The following NRG3 variants were observed in gnomAD, a reference collection of about 807,000 sequenced individuals.
The protein encoded by NRG3 is neuregulin 3.
A neutral mutation model predicts 66.9 loss-of-function variants in NRG3; 31 were observed. That is an observed-to-expected ratio of 0.46 (90% CI 0.35 to 0.63). The LOEUF is 0.63. NRG3 is among the 20% of genes least tolerant of loss of function. The pLI is 0.00. For missense variants in NRG3, 910 were observed against 878.9 expected (o/e 1.04, Z -0.45); for synonymous variants, 393 against 359.4 (o/e 1.09, Z -1.06).
intron 2 of NRG3, among the ~76,000 whole-genome samples, chr10:82,383,038 C>A (rs559151101): frequency 1.8e-4 from 27 of 151,960 alleles, no homozygotes; most frequent in African/African-American, 6.3e-4. Context: ...GCTTTTATTT[C>A]ACGGAATACC....
chr10:82,062,786 G>A (rs10884113), intron 1 of NRG3, among the ~76,000 whole-genome samples: 32,062 of 151,696 alleles, frequency 0.21, 3,815 homozygotes, highest in East Asian at 0.44. Context: ...ATGAAGGGAA[G>A]GTACTGAAGA....
chr10:82,884,615 C>T (rs1264562962), intron 4 of NRG3, among the ~76,000 whole-genome samples: 1 of 152,140 alleles, frequency 6.6e-6, no homozygotes, highest in African/African-American at 2.4e-5. Context: ...ACTATTAAAA[C>T]AATGTGACAT....
chr10:82,411,117 T>C (rs1444422867), intron 2 of NRG3, among the ~76,000 whole-genome samples: 24 of 152,150 alleles, frequency 1.6e-4, no homozygotes, highest in Admixed American at 1.6e-3. Context: ...GATTTCAGCA[T>C]GTAAGCCAGG....
intron 1 of NRG3, among the ~76,000 whole-genome samples, chr10:82,289,895 A>G (rs1468457238): frequency 6.6e-6 from 1 of 152,216 alleles, no homozygotes. Context: ...CATTGTTAGG[A>G]CAGCAAGCAT....
intron 4 of NRG3, among the ~76,000 whole-genome samples, chr10:82,878,647 A>G (rs548678068): frequency 3.5e-4 from 53 of 152,334 alleles, no homozygotes; most frequent in Non-Finnish European, 5.7e-4. Context: ...AGCGATGGAA[A>G]CATCCTAATG....
intron 4 of NRG3, among the ~76,000 whole-genome samples, chr10:82,878,434 C>T (rs964531524): frequency 2.0e-5 from 3 of 152,180 alleles, no homozygotes; most frequent in African/African-American, 7.2e-5. Flanking sequence ...GCTAATGGAA[C>T]AAACTTGGGA....
intron 1 of NRG3, among the ~76,000 whole-genome samples, chr10:82,101,465 G>A (rs186202512): frequency 8.7e-4 from 132 of 151,750 alleles, no homozygotes; most frequent in Non-Finnish European, 1.5e-3. Flanking sequence ...TTTCTAATAT[G>A]ACTCAATGCT....
At chr10:82,563,251 T>C (rs549422177) in intron 2 of NRG3, among the ~76,000 whole-genome samples, 1 of 152,306 alleles carries the variant, frequency 6.6e-6, no homozygotes, top group South Asian at 2.1e-4. Flanking sequence ...TTACATTTTT[T>C]TCACATACGT....
chr10:82,151,862 G>T (rs1214934329), intron 1 of NRG3, among the ~76,000 whole-genome samples: 4 of 152,170 alleles, frequency 2.6e-5, no homozygotes, highest in East Asian at 1.9e-4. Context: ...ACTTGTCGAG[G>T]GAGTTTGAAC....
chr10:82,017,119 G>A (rs911911917), intron 1 of NRG3, among the ~76,000 whole-genome samples: 1 of 152,024 alleles, frequency 6.6e-6, no homozygotes, highest in African/African-American at 2.4e-5. Flanking sequence ...GGTGTGTGAT[G>A]TTCCCCTTCC....
At chr10:82,827,161 T>C (rs1310272206) in intron 3 of NRG3, 1 of 343,794 alleles carries the variant, frequency 2.9e-6, no homozygotes, top group Non-Finnish European at 5.6e-6. Flanking sequence ...GAACAAGTTC[T>C]CATCTTCATA....
At chr10:82,277,048 T>C (rs944640740) in intron 1 of NRG3, among the ~76,000 whole-genome samples, 4 of 152,066 alleles carry the variant, frequency 2.6e-5, no homozygotes, top group African/African-American at 9.7e-5. Flanking sequence ...ACAACTGAGA[T>C]GGTTTAAACT....
chr10:82,507,438 C>T (rs1844786760), intron 2 of NRG3, among the ~76,000 whole-genome samples: 1 of 152,202 alleles, frequency 6.6e-6, no homozygotes, highest in Non-Finnish European at 1.5e-5. Context: ...AAGAGTAATA[C>T]AAGCCTTGGT....
intron 3 of NRG3, among the ~76,000 whole-genome samples, chr10:82,844,681 T>C (rs2063222302): frequency 1.3e-5 from 2 of 151,906 alleles, no homozygotes; most frequent in African/African-American, 4.8e-5. Flanking sequence ...CTTTTTTTTT[T>C]TTTTTTCCAA....
At chr10:82,054,795 C>T (rs1263363436) in intron 1 of NRG3, among the ~76,000 whole-genome samples, 1 of 151,790 alleles carries the variant, frequency 6.6e-6, no homozygotes, top group African/African-American at 2.4e-5. Flanking sequence ...CTCTTGAGCC[C>T]ACGAGTTAGA....
intron 1 of NRG3, among the ~76,000 whole-genome samples, chr10:81,986,487 A>C (rs1437573499): frequency 6.6e-6 from 1 of 152,188 alleles, no homozygotes; most frequent in Non-Finnish European, 1.5e-5. Context: ...AAGACACTCA[A>C]AATCATTTTA....
chr10:82,494,686 C>T (rs957152281), intron 2 of NRG3, among the ~76,000 whole-genome samples: 4 of 152,024 alleles, frequency 2.6e-5, no homozygotes, highest in African/African-American at 9.7e-5. Context: ...CTTCTAAAGC[C>T]CATTTTTCAT....
intron 3 of NRG3, among the ~76,000 whole-genome samples, chr10:82,797,227 T>C (rs910227340): frequency 4.6e-5 from 7 of 152,234 alleles, no homozygotes; most frequent in African/African-American, 1.4e-4. Flanking sequence ...CTCTAATTCA[T>C]GGCTCTTCAT....
chr10:82,798,550 TG>T (rs2135418691), intron 3 of NRG3, among the ~76,000 whole-genome samples: 1 of 152,270 alleles, frequency 6.6e-6, no homozygotes, highest in South Asian at 2.1e-4. Context: ...CTATCTTGTT[TG>T]GGGGTTTATT....
Sources: allele counts gnomAD v4.1 joint callset (sites outside exome capture counted in the v4.1 genomes callset), GRCh38; gene constraint gnomAD v4.1.1; transcripts MANE v1.5; gene names NCBI Gene and HGNC (gene_info 2026-07-23, HGNC 2026-07-21).